Variants in TNFRSF21 observed in about 807,000 individuals in gnomAD.
TNFRSF21 encodes tumor necrosis factor receptor superfamily member 21.
A neutral mutation model predicts 45.6 loss-of-function variants in TNFRSF21; 19 were observed. The ratio of observed to expected loss-of-function variants is 0.42; its 90% CI spans 0.29 to 0.61. The LOEUF is 0.61. Among genes scored for constraint, TNFRSF21 ranks in the 20% least tolerant of loss-of-function variants. The probability of loss-of-function intolerance (pLI) is 0.23; values close to 1 mark genes in which losing one functional copy is unlikely to be tolerated. For missense variants in TNFRSF21, 737 were observed against 851.5 expected, an observed-to-expected ratio of 0.87 and a Z score of 1.67; for synonymous variants, 314 against 335.5, an observed-to-expected ratio of 0.94 and a Z score of 0.70.
chr6:47,239,942 T>A (rs1764721720), intron 4 of TNFRSF21, among the ~76,000 whole-genome samples: 1 of 152,194 alleles, frequency 6.6e-6, no homozygotes, highest in Non-Finnish European at 1.5e-5. Context: ...CACAAAGTTA[T>A]TTTCAATTAC....
chr6:47,245,286 A>C (rs1004117817), intron 4 of TNFRSF21, among the ~76,000 whole-genome samples: 10 of 152,150 alleles, frequency 6.6e-5, no homozygotes, highest in African/African-American at 2.4e-4. Flanking sequence ...CTAAGGGATG[A>C]TTCTGCTTTG....
chr6:47,269,812 C>G (rs1762385547), intron 3 of TNFRSF21, among the ~76,000 whole-genome samples: 1 of 152,056 alleles, frequency 6.6e-6, no homozygotes. Flanking sequence ...AAAGATATAC[C>G]CTGTGGACAA....
At chr6:47,272,731 G>A (rs962540242) in intron 3 of TNFRSF21, among the ~76,000 whole-genome samples, 13 of 152,116 alleles carry the variant, frequency 8.5e-5, no homozygotes, top group Admixed American at 6.6e-4. Context: ...CCAGGAGCTG[G>A]TTTTTTGAGA....
At chr6:47,265,402 T>C (rs185143933) in intron 3 of TNFRSF21, among the ~76,000 whole-genome samples, 4 of 151,564 alleles carry the variant, frequency 2.6e-5, no homozygotes, top group Non-Finnish European at 5.9e-5. Context: ...GTTTTGTTTT[T>C]TTTAAATCAA....
At chr6:47,287,936 C>T (rs1762672005) in intron 1 of TNFRSF21, among the ~76,000 whole-genome samples, 1 of 152,188 alleles carries the variant, frequency 6.6e-6, no homozygotes, top group Admixed American at 6.5e-5. Flanking sequence ...CTGGAATTCT[C>T]ATACATTTCT....
At chr6:47,274,644 T>A (rs1470150104) in intron 3 of TNFRSF21, among the ~76,000 whole-genome samples, 1 of 152,124 alleles carries the variant, frequency 6.6e-6, no homozygotes, top group Non-Finnish European at 1.5e-5. Context: ...AAATGGGATC[T>A]AATTAAACTA....
intron 4 of TNFRSF21, among the ~76,000 whole-genome samples, chr6:47,242,652 G>A (rs114729974): frequency 2.4e-3 from 370 of 152,318 alleles, no homozygotes; most frequent in African/African-American, 8.5e-3. Context: ...CCCCGCTACC[G>A]GCACGGGTGT....
rs375467373 is a variant in TNFRSF21 at position 47,283,601 on chromosome 6, T to G, written c.1243+337A>C. 1.2e-4 allele frequency among the ~76,000 whole-genome samples: 19 copies of G among 152,342 alleles called. 1 individual carries two copies. The South Asian group carries it at 3.1e-3, about 25-fold the overall frequency. Reference sequence around the variant, plus strand: ...CCTCAAAAACAACTAGCCTCTTGTTTGGATCAATGTTGCCAAACCTCTCTA... The same window carrying G: ...CCTCAAAAACAACTAGCCTCTTGTTGGGATCAATGTTGCCAAACCTCTCTA... On this transcript the variant is annotated intron_variant, in intron 3 of 5. Transcript: ENST00000296861.
At chr6:47,266,835 C>G (rs1037319882) in intron 3 of TNFRSF21, among the ~76,000 whole-genome samples, 3 of 152,086 alleles carry the variant, frequency 2.0e-5, no homozygotes, top group Admixed American at 1.3e-4. Context: ...AAAATCAGGC[C>G]CACAGGGTCC....
chr6:47,233,033 G>T, intron 5 of TNFRSF21, 39 bp from the exon 6 acceptor site: 1 of 1,596,718 alleles, frequency 6.3e-7, no homozygotes, highest in South Asian at 1.1e-5. Flanking sequence ...GCTGTAAGGT[G>T]ACTGTACTGG....
chr6:47,273,477 A>ATAAGT (rs1762455994), intron 3 of TNFRSF21, among the ~76,000 whole-genome samples: 2 of 151,842 alleles, frequency 1.3e-5, no homozygotes, highest in African/African-American at 4.8e-5. Context: ...CATGCTAAAA[A>ATAAGT]ATCTCAATAA....
Position 47,309,742 on chromosome 6 carries a change from C to G in TNFRSF21, c.-231G>C. On this transcript the variant is annotated 5_prime_UTR_variant, in exon 1 of 6. Coordinates refer to ENST00000296861, the MANE Select transcript of TNFRSF21 (RefSeq NM_014452.5). ...GGCCGCCCAGGCGGGGAGAAGCCGC[C>G]GCGACTGCAGCCCGCGTCTCCGGGT... 3 of 466,598 alleles carry G rather than the reference C, an allele frequency of 6.4e-6. No homozygotes were observed. The highest frequency in any genetic ancestry group is 6.8e-5 in the South Asian group (1 of 14,686). The allele number at this position is 466,598 out of a possible 1,614,324, so 28.9% of individuals were successfully genotyped here. A position where few individuals can be genotyped will look rare whatever the true frequency, so the allele number is the denominator to read the frequency against.
intron 3 of TNFRSF21, among the ~76,000 whole-genome samples, chr6:47,264,399 C>T (rs905093970): frequency 5.9e-5 from 9 of 152,074 alleles, no homozygotes; most frequent in Admixed American, 3.3e-4. Context: ...ATGGTGGTCC[C>T]AGCTACTCAA....
intron 3 of TNFRSF21, among the ~76,000 whole-genome samples, chr6:47,271,195 C>G (rs1226396401): frequency 6.6e-6 from 1 of 152,064 alleles, no homozygotes; most frequent in Admixed American, 6.6e-5. Context: ...GAAGAGCAAC[C>G]TCAAGACACA....
intron 4 of TNFRSF21, among the ~76,000 whole-genome samples, chr6:47,250,318 C>G (rs570248909): frequency 6.6e-6 from 1 of 152,284 alleles, no homozygotes; most frequent in East Asian, 1.9e-4. Context: ...GCTGCTTATT[C>G]CAAATGCTCA....
intron 1 of TNFRSF21, among the ~76,000 whole-genome samples, chr6:47,306,903 G>A (rs1762948463): frequency 6.6e-6 from 1 of 152,132 alleles, no homozygotes; most frequent in Non-Finnish European, 1.5e-5. Flanking sequence ...GTAGTGTTCT[G>A]AGTACCCTGC....
intron 4 of TNFRSF21, among the ~76,000 whole-genome samples, chr6:47,245,139 A>G (rs1173015004): frequency 6.6e-6 from 1 of 152,150 alleles, no homozygotes; most frequent in Non-Finnish European, 1.5e-5. Flanking sequence ...TAACAGACCC[A>G]GCCTTTTCTG....
intron 4 of TNFRSF21, among the ~76,000 whole-genome samples, chr6:47,245,336 CA>C (rs1764807943): frequency 6.6e-6 from 1 of 152,004 alleles, no homozygotes; most frequent in African/African-American, 2.4e-5. Flanking sequence ...GTGCCTGGTA[CA>C]GGGCTCAATA....
chr6:47,278,207 A>G (rs563053703), intron 3 of TNFRSF21, among the ~76,000 whole-genome samples: 8 of 152,340 alleles, frequency 5.3e-5, no homozygotes, highest in African/African-American at 1.9e-4. Context: ...AATTTAGTAT[A>G]AAGAACCCAC....
Sources: gnomAD v4.1 joint callset for allele counts (sites outside exome capture counted in the v4.1 genomes callset) on GRCh38, gnomAD v4.1.1 for gene constraint, MANE v1.5 for transcripts, NCBI Gene and HGNC (gene_info 2026-07-23, HGNC 2026-07-21) for gene names.